PCYT1B: variants seen among roughly 807,000 people sequenced by gnomAD.
PCYT1B encodes the protein phosphate cytidylyltransferase 1B, choline.
In PCYT1B, 10 loss-of-function variants were observed where a neutral mutation model predicts 26.4. The ratio of observed to expected loss-of-function variants is 0.38; its 90% CI spans 0.23 to 0.64. The LOEUF (loss-of-function observed/expected upper bound fraction) is 0.64, where lower values mean the gene tolerates loss of function less well. PCYT1B is among the 30% of genes least tolerant of loss of function. The pLI, the probability that PCYT1B is intolerant of heterozygous loss-of-function variation, is 0.56. For missense variants in PCYT1B, 161 were observed against 292.7 expected, an observed-to-expected ratio of 0.55 and a Z score of 3.28; for synonymous variants, 131 against 108.4, an observed-to-expected ratio of 1.21 and a Z score of -1.29.
intron 1 of PCYT1B, among the ~76,000 whole-genome samples, chrX:24,635,381 A>G (rs1926240624): frequency 8.9e-6 from 1 of 112,537 alleles, no homozygotes; most frequent in Non-Finnish European, 1.9e-5. Context: ...TTGAAGATTG[A>G]AAGAAACAAG....
upstream of PCYT1B, among the ~76,000 whole-genome samples, chrX:24,651,425 A>C (rs1926761095): frequency 1.2e-5 from 1 of 81,770 alleles, no homozygotes; most frequent in African/African-American, 4.6e-5. Context: ...ATTGCACTCC[A>C]GCCTGGGCAA....
At chrX:24,644,489 C>CACACAT (rs1318833162) in intron 1 of PCYT1B, among the ~76,000 whole-genome samples, 4 of 107,695 alleles carry the variant, frequency 3.7e-5, no homozygotes, top group African/African-American at 1.4e-4. Context: ...CACACACACA[C>CACACAT]GAAACCAGAA....
chrX:24,641,089 A>G (rs1926452576), intron 1 of PCYT1B, among the ~76,000 whole-genome samples: 1 of 111,066 alleles, frequency 9.0e-6, no homozygotes, highest in African/African-American at 3.3e-5. Context: ...GCACACTACC[A>G]TACCCGGCTA....
chrX:24,647,541 G>C (rs935971683), upstream of PCYT1B, among the ~76,000 whole-genome samples: 2 of 111,838 alleles, frequency 1.8e-5, no homozygotes, highest in Non-Finnish European at 3.8e-5. Context: ...CTGGGCACGG[G>C]ACCCGGGCTG....
chrX:24,667,863 A>G (rs771250770), intron 1 of PCYT1B, among the ~76,000 whole-genome samples: 1 of 112,255 alleles, frequency 8.9e-6, no homozygotes, highest in Non-Finnish European at 1.9e-5. Flanking sequence ...GTACATTTAC[A>G]TTGTTTCTAT....
At chrX:24,667,904 T>C (rs1365099975) in intron 1 of PCYT1B, among the ~76,000 whole-genome samples, 1 of 111,613 alleles carries the variant, frequency 9.0e-6, no homozygotes, top group African/African-American at 3.3e-5. Flanking sequence ...TGGCTAAAAA[T>C]TTTCCTTAAA....
At chrX:24,632,603 C>T (rs1036009006) in intron 1 of PCYT1B, 1 of 124,187 alleles carries the variant, frequency 8.1e-6, no homozygotes, top group Non-Finnish European at 1.8e-5. Flanking sequence ...TCCAAGTGAA[C>T]AACTTCTACT....
chrX:24,668,302 C>A (rs1027645880), intron 1 of PCYT1B, among the ~76,000 whole-genome samples: 1 of 111,748 alleles, frequency 8.9e-6, no homozygotes, highest in Non-Finnish European at 1.9e-5. Context: ...ACTCCCCCTC[C>A]CCGCAAGTGA....
rs1433690424 is a variant in PCYT1B at position 24,559,247 on chromosome X, G to C, written c.*3046C>G. On this transcript the variant is annotated 3_prime_UTR_variant, in exon 8 of 8. Transcript: ENST00000379144. Reference sequence around the variant, plus strand: ...CAGAAGAACCCCTTGAACCTGGGAGGTGGAGGCTGCAGTGAGCCGAGATTG... The same window carrying C: ...CAGAAGAACCCCTTGAACCTGGGAGCTGGAGGCTGCAGTGAGCCGAGATTG... 1 of 107,252 alleles carries C rather than the reference G, an allele frequency of 9.3e-6. No homozygotes were observed. Among genetic ancestry groups the C allele is most frequent in the Non-Finnish European group, 1.9e-5 (1 of 51,906 alleles). 8.8% of individuals were successfully genotyped at this position (107,252 alleles called of 1,213,427 possible).
At chrX:24,625,722 GTATGTA>G (rs1277429767) in intron 1 of PCYT1B, among the ~76,000 whole-genome samples, 1 of 100,396 alleles carries the variant, frequency 1.0e-5, no homozygotes, top group Non-Finnish European at 2.0e-5. Flanking sequence ...TGTATAATAT[GTATGTA>G]TACATGCTAT....
At chrX:24,620,825 G>A (rs955473104) in intron 1 of PCYT1B, among the ~76,000 whole-genome samples, 15 of 112,059 alleles carry the variant, frequency 1.3e-4, no homozygotes, top group African/African-American at 4.9e-4. Context: ...CAACTTGGCT[G>A]CTCTCTGCAC....
At chrX:24,562,892 T>A (rs1283034522) in intron 7 of PCYT1B, among the ~76,000 whole-genome samples, 3 of 110,082 alleles carry the variant, frequency 2.7e-5, no homozygotes, top group Non-Finnish European at 5.7e-5. Context: ...CATGCCCGGC[T>A]AATTTTGTAT....
At chrX:24,598,942 T>TA (rs1180912632) in intron 3 of PCYT1B, among the ~76,000 whole-genome samples, 2 of 112,131 alleles carry the variant, frequency 1.8e-5, no homozygotes, top group African/African-American at 6.5e-5. Flanking sequence ...TTTTGTTTTT[T>TA]AAAAAAGGTT....
intron 2 of PCYT1B, among the ~76,000 whole-genome samples, chrX:24,613,899 G>T (rs1267077141): frequency 5.8e-5 from 6 of 103,733 alleles, no homozygotes; most frequent in African/African-American, 2.1e-4. Flanking sequence ...ACTGCAGTGA[G>T]CTGTGATTGC....
At chrX:24,594,019 C>A (rs1037881751) in intron 3 of PCYT1B, among the ~76,000 whole-genome samples, 1 of 111,471 alleles carries the variant, frequency 9.0e-6, no homozygotes, top group African/African-American at 3.3e-5. Context: ...CAGAATCACC[C>A]AAGGAGCTTG....
At position 24,657,742 on chromosome X, in the gene PCYT1B, T is replaced by C. The variant is rs1438589216; in HGVS notation, c.63+14828A>G. Among the ~76,000 whole-genome samples the C allele has an allele frequency of 2.4e-4, 27 of 112,051 alleles. No individual in the cohort carries two copies. The Admixed American group carries it at 2.6e-3, about 11-fold the overall frequency. On this transcript the variant is annotated intron_variant, in intron 1 of 7. Coordinates refer to the PCYT1B transcript ENST00000379145. Reference sequence around the variant, plus strand: ...GATGTACTGCTGTCTCCCTTCAGTCTCCCCAAGTGTTATTCTATAAGCAAT... The same window carrying C: ...GATGTACTGCTGTCTCCCTTCAGTCCCCCCAAGTGTTATTCTATAAGCAAT...
chrX:24,658,560 T>C lies in PCYT1B; in HGVS notation c.63+14010A>G, dbSNP rs139355841. Among the ~76,000 whole-genome samples the C allele has an allele frequency of 8.8e-3, 866 of 98,724 alleles. 21 individuals carry two copies. Among genetic ancestry groups the C allele is most frequent in the African/African-American group, 0.03 (817 of 26,885 alleles). The allele number at this position is 98,724 out of a possible 115,157, so 85.7% of individuals were successfully genotyped here. ...CTAGAAGCTGCATGCATTCCTTGAC[T>C]CCTGGCCTGCTTTCTTCTATCTTCA... is the stretch of plus-strand genomic sequence containing the variant. On this transcript the variant is annotated intron_variant, in intron 1 of 7. Coordinates refer to the PCYT1B transcript ENST00000379145.
intron 3 of PCYT1B, among the ~76,000 whole-genome samples, chrX:24,606,070 A>AG (rs1360616323): frequency 7.3e-5 from 8 of 109,089 alleles, no homozygotes; most frequent in East Asian, 5.7e-4. Flanking sequence ...AAAAAAAAAA[A>AG]AAAGAAAGTT....
At chrX:24,590,432 T>C (rs1924521550) in intron 3 of PCYT1B, among the ~76,000 whole-genome samples, 1 of 112,185 alleles carries the variant, frequency 8.9e-6, no homozygotes, top group Non-Finnish European at 1.9e-5. Context: ...AATTATTCTC[T>C]ACACTACCTA....
Sources: allele counts gnomAD v4.1 joint callset (sites outside exome capture counted in the v4.1 genomes callset), GRCh38; gene constraint gnomAD v4.1.1; transcripts MANE v1.5; gene names NCBI Gene and HGNC (gene_info 2026-07-23, HGNC 2026-07-21).